Variants in CCDC102B observed in about 807,000 individuals in gnomAD.
CCDC102B encodes coiled-coil domain-containing protein 102B.
Under a neutral mutation model 57.4 loss-of-function variants are expected in CCDC102B, and 75 were observed. The observed-to-expected ratio is 1.31, with a 90% CI of 1.08 to 1.58. The LOEUF is 1.58. Among genes scored for constraint, CCDC102B ranks in the 40% most tolerant of loss-of-function variants. The pLI, the probability that CCDC102B is intolerant of heterozygous loss-of-function variation, is 0.00. For missense variants in CCDC102B, 636 were observed against 582.6 expected, an observed-to-expected ratio of 1.09 and a Z score of -0.94; for synonymous variants, 206 against 201.9, an observed-to-expected ratio of 1.02 and a Z score of -0.17.
At chr18:68,730,378 A>G (rs936417223) in intron 2 of CCDC102B, among the ~76,000 whole-genome samples, 2 of 152,220 alleles carry the variant, frequency 1.3e-5, no homozygotes, top group Admixed American at 1.3e-4. Context: ...ATGAAAGTCA[A>G]TTAATATTAC....
chr18:69,039,939 A>G (rs2052388972), intron 7 of CCDC102B, among the ~76,000 whole-genome samples: 1 of 151,952 alleles, frequency 6.6e-6, no homozygotes, highest in Non-Finnish European at 1.5e-5. Flanking sequence ...GTAAAATAGT[A>G]TAAAATATTT....
chr18:68,917,430 G>C (rs1025628858), intron 6 of CCDC102B, among the ~76,000 whole-genome samples: 2 of 152,132 alleles, frequency 1.3e-5, no homozygotes, highest in African/African-American at 4.8e-5. Context: ...GGAGTCTTGC[G>C]ATCTCTGAAA....
At chr18:68,757,363 T>G (rs919392125) in intron 2 of CCDC102B, among the ~76,000 whole-genome samples, 10 of 152,172 alleles carry the variant, frequency 6.6e-5, no homozygotes, top group African/African-American at 2.4e-4. Context: ...GTCTCTTTCC[T>G]TTTGGTAATA....
chr18:68,802,414 A>G (rs1461043614), intron 1 of CCDC102B, among the ~76,000 whole-genome samples: 2 of 152,202 alleles, frequency 1.3e-5, no homozygotes, highest in Non-Finnish European at 2.9e-5. Flanking sequence ...AGTGCCCTCT[A>G]AAGGTGTTAA....
rs76622731 is a variant in CCDC102B, at chr18:68,913,659, G to A, written c.1263+16231G>A. 3.1e-3 allele frequency among the ~76,000 whole-genome samples: 443 copies of A among 141,604 alleles called. 2 individuals are homozygous for A. The highest frequency in any genetic ancestry group is 3.5e-3 in the Non-Finnish European group (230 of 65,672). The allele number at this position is 141,604 out of a possible 152,430, so 92.9% of individuals were successfully genotyped here. On this transcript the variant is annotated intron_variant, in intron 6 of 7. Coordinates refer to ENST00000360242, the MANE Select transcript of CCDC102B (RefSeq NM_024781.3). ...AACAGAGTGACACTCGGTCTCAAAA[G>A]AAAAAAAAAAAAGCAAAAACAAAGA...
intron 6 of CCDC102B, among the ~76,000 whole-genome samples, chr18:68,923,411 C>T (rs1472414966): frequency 6.6e-6 from 1 of 151,786 alleles, no homozygotes; most frequent in Non-Finnish European, 1.5e-5. Context: ...ATGACACCAA[C>T]ATAATTATTT....
upstream of CCDC102B, among the ~76,000 whole-genome samples, chr18:68,794,207 C>T (rs1025898244): frequency 2.6e-5 from 4 of 152,066 alleles, no homozygotes; most frequent in African/African-American, 9.7e-5. Context: ...CAATGTGTGG[C>T]TTGCATCTGA....
chr18:68,717,657 T>C (rs2032098247), intron 2 of CCDC102B, among the ~76,000 whole-genome samples: 1 of 152,238 alleles, frequency 6.6e-6, no homozygotes, highest in African/African-American at 2.4e-5. Flanking sequence ...ACATATTCTG[T>C]GGTGAAAAAT....
intron 7 of CCDC102B, among the ~76,000 whole-genome samples, chr18:69,046,606 C>A (rs576331246): frequency 6.6e-6 from 1 of 152,182 alleles, no homozygotes; most frequent in African/African-American, 2.4e-5. Context: ...AATTAGATCC[C>A]AATTGTCAAT....
intron 1 of CCDC102B, among the ~76,000 whole-genome samples, chr18:68,834,695 A>G (rs1303174690): frequency 2.0e-5 from 3 of 151,828 alleles, no homozygotes; most frequent in South Asian, 4.1e-4. Context: ...TGACATCTCT[A>G]TATAACACTT....
rs181766975 is a variant in CCDC102B, at chr18:69,052,602, A to G, written c.1435-1428A>G. On this transcript the variant is annotated intron_variant, in intron 7 of 7. Transcript: ENST00000360242. ...GTAATTTTATCTTTGTGTGAAGGTCATAGATTTAGATGGTATAGCCTACTC... is the reference window on the plus strand; with the variant it reads ...GTAATTTTATCTTTGTGTGAAGGTCGTAGATTTAGATGGTATAGCCTACTC... 5.9e-4 allele frequency among the ~76,000 whole-genome samples: 89 copies of G among 152,066 alleles called. No individual in the cohort carries two copies. The East Asian group carries it at 0.017, about 29-fold the overall frequency.
At chr18:68,919,830 G>A (rs1184562359) in intron 6 of CCDC102B, among the ~76,000 whole-genome samples, 1 of 151,984 alleles carries the variant, frequency 6.6e-6, no homozygotes, top group African/African-American at 2.4e-5. Context: ...TAATTGTTGT[G>A]GTGAATTTTG....
chr18:68,998,993 TATATATAGAGAGAGAGAGAGAGAG>T (rs1168302337), intron 6 of CCDC102B, among the ~76,000 whole-genome samples: 4 of 54,632 alleles, frequency 7.3e-5, no homozygotes, highest in Non-Finnish European at 1.1e-4. Context: ...TATATATATA[TATATATAGAGAGAGAGAGAGAGAG>T]AGAGAGAGAG....
intron 7 of CCDC102B, among the ~76,000 whole-genome samples, chr18:69,038,351 GT>G (rs5825897): frequency 0.81 from 123,207 of 151,686 alleles, 52,453 homozygotes; most frequent in Non-Finnish European, 0.95. Context: ...TGTGCAAAAT[GT>G]TTTGTGTGTT....
At chr18:68,776,030 C>A (rs60579281) in intron 2 of CCDC102B, among the ~76,000 whole-genome samples, 9,762 of 152,164 alleles carry the variant, frequency 0.064, 592 homozygotes, top group African/African-American at 0.15. Flanking sequence ...ATTATTTCTT[C>A]TCTCTGTTCT....
chr18:69,040,195 A>C (rs1311912809), intron 7 of CCDC102B, among the ~76,000 whole-genome samples: 1 of 151,984 alleles, frequency 6.6e-6, no homozygotes, highest in African/African-American at 2.4e-5. Context: ...TAATTTTATG[A>C]TCATTCATCA....
At chr18:68,888,970 A>C (rs935918600) in intron 5 of CCDC102B, among the ~76,000 whole-genome samples, 5 of 150,882 alleles carry the variant, frequency 3.3e-5, no homozygotes, top group African/African-American at 1.2e-4. Context: ...TGCAAAAGTT[A>C]CTCTATCAAT....
intron 5 of CCDC102B, among the ~76,000 whole-genome samples, chr18:68,890,786 A>G (rs908632295): frequency 1.3e-5 from 2 of 152,058 alleles, no homozygotes; most frequent in Non-Finnish European, 2.9e-5. Flanking sequence ...GTAGTTTTTT[A>G]TCTTTTATGT....
upstream of CCDC102B, chr18:68,715,229 G>A (rs527240627): frequency 4.4e-6 from 6 of 1,356,914 alleles, no homozygotes; most frequent in African/African-American, 4.6e-5. Context: ...AATCCTTTGC[G>A]CTCTCGGTGC....
Sources: gnomAD v4.1 joint callset for allele counts (sites outside exome capture counted in the v4.1 genomes callset) on GRCh38, gnomAD v4.1.1 for gene constraint, MANE v1.5 for transcripts, NCBI Gene and HGNC (gene_info 2026-07-23, HGNC 2026-07-21) for gene names.